CNTNAP2: variants seen among roughly 807,000 people sequenced by gnomAD.
CNTNAP2 encodes contactin-associated protein-like 2.
A neutral mutation model predicts 155.2 loss-of-function variants in CNTNAP2; 98 were observed. That is an observed-to-expected ratio of 0.63 (90% CI 0.54 to 0.75). CNTNAP2 has a LOEUF of 0.75. Among genes scored for constraint, CNTNAP2 ranks in the 30% least tolerant of loss-of-function variants. The probability of loss-of-function intolerance (pLI) is 0.00; values close to 1 mark genes in which losing one functional copy is unlikely to be tolerated. For synonymous variants in CNTNAP2, 651 were observed against 631.2 expected (o/e 1.03, Z -0.47); for missense variants, 1,727 against 1,688.1 (o/e 1.02, Z -0.40).
intron 3 of CNTNAP2, among the ~76,000 whole-genome samples, chr7:146,936,675 T>A (rs766606884): frequency 2.0e-5 from 3 of 152,200 alleles, no homozygotes; most frequent in Non-Finnish European, 2.9e-5. Flanking sequence ...TATGGGATTG[T>A]CACAATATCT....
At chr7:147,424,214 A>G (rs77694335) in intron 10 of CNTNAP2, among the ~76,000 whole-genome samples, 1 of 151,980 alleles carries the variant, frequency 6.6e-6, no homozygotes, top group African/African-American at 2.4e-5. Context: ...TAAAATACCT[A>G]CTTATTTTCT....
intron 1 of CNTNAP2, among the ~76,000 whole-genome samples, chr7:146,378,688 A>G (rs1795339392): frequency 6.6e-6 from 1 of 152,190 alleles, no homozygotes; most frequent in Non-Finnish European, 1.5e-5. Flanking sequence ...AGATGATGGC[A>G]TACATGTTAC....
At chr7:147,563,556 G>A (rs533665501) in intron 12 of CNTNAP2, among the ~76,000 whole-genome samples, 1 of 151,966 alleles carries the variant, frequency 6.6e-6, no homozygotes, top group African/African-American at 2.4e-5. Flanking sequence ...TTGATCCCTG[G>A]AGGAGGAGGT....
intron 1 of CNTNAP2, among the ~76,000 whole-genome samples, chr7:146,160,466 A>C (rs564039414): frequency 6.6e-6 from 1 of 152,338 alleles, no homozygotes; most frequent in South Asian, 2.1e-4. Flanking sequence ...AGCAAGGCTA[A>C]TAAAGAAGAA....
At chr7:146,163,527 C>CTA (rs1381461197) in intron 1 of CNTNAP2, among the ~76,000 whole-genome samples, 4 of 98,254 alleles carry the variant, frequency 4.1e-5, no homozygotes, top group African/African-American at 1.1e-4. Flanking sequence ...CTATATATAT[C>CTA]TATATATATC....
intron 1 of CNTNAP2, among the ~76,000 whole-genome samples, chr7:146,719,975 G>A (rs776298702): frequency 2.0e-5 from 3 of 152,064 alleles, no homozygotes; most frequent in Admixed American, 6.6e-5. Flanking sequence ...GAATACATTG[G>A]ACTGAATACA....
intron 2 of CNTNAP2, among the ~76,000 whole-genome samples, chr7:146,821,820 A>C (rs6956849): frequency 0.089 from 13,387 of 149,990 alleles, 1,843 homozygotes; most frequent in African/African-American, 0.31. Context: ...AGTCAGGAAA[A>C]AACAGGTGCT....
chr7:146,586,366 A>T (rs541134730), intron 1 of CNTNAP2, among the ~76,000 whole-genome samples: 78 of 152,338 alleles, frequency 5.1e-4, no homozygotes, highest in Admixed American at 5.0e-3. Flanking sequence ...CCTTAATCAA[A>T]GTGTAATAAA....
At chr7:148,062,011 T>TGATAGAGAGAGAGAGAG (rs1554468163) in intron 15 of CNTNAP2, among the ~76,000 whole-genome samples, 1 of 84,182 alleles carries the variant, frequency 1.2e-5, no homozygotes, top group African/African-American at 4.8e-5. Flanking sequence ...AGATAGATGA[T>TGATAGAGAGAGAGAGAG]AGAGAGAGAG....
chr7:147,913,161 A>C (rs764099807), intron 14 of CNTNAP2, among the ~76,000 whole-genome samples: 9 of 152,248 alleles, frequency 5.9e-5, no homozygotes, highest in Non-Finnish European at 8.8e-5. Flanking sequence ...CCAAAGGATA[A>C]AAAGGAGCTT....
chr7:147,808,747 G>A (rs1798132826), intron 13 of CNTNAP2, among the ~76,000 whole-genome samples: 1 of 152,146 alleles, frequency 6.6e-6, no homozygotes, highest in African/African-American at 2.4e-5. Flanking sequence ...AGTTAAATCT[G>A]ACTTCTATAA....
intron 1 of CNTNAP2, among the ~76,000 whole-genome samples, chr7:146,283,840 C>T (rs1337623365): frequency 2.6e-5 from 4 of 151,974 alleles, no homozygotes; most frequent in Non-Finnish European, 5.9e-5. Flanking sequence ...GACTACACAC[C>T]TATTGTATTT....
chr7:146,118,246 G>A (rs1797515391), intron 1 of CNTNAP2, among the ~76,000 whole-genome samples: 1 of 152,106 alleles, frequency 6.6e-6, no homozygotes, highest in Non-Finnish European at 1.5e-5. Context: ...TTCCCACAAT[G>A]TGTAAAGATA....
chr7:147,485,942 C>G lies in CNTNAP2; in HGVS notation c.1678C>G (p.Pro560Ala). ...DMCAIIDRCV[P>A]NHCEHGGKCS... is the part of the protein sequence containing the mutation. ...TGTCTCTCTCTCTGACAGATGTGTGCCCAATCACTGTGAGCATGGTGGAAA... is the reference window on the plus strand; with the variant it reads ...TGTCTCTCTCTCTGACAGATGTGTGGCCAATCACTGTGAGCATGGTGGAAA... Residue 560 changes from proline to alanine, a missense_variant, in exon 11 of 24, where the codon CCC becomes GCC. Physicochemically the swap from Pro to Ala is conservative, Grantham distance 27. Transcript: ENST00000361727. The G allele has an allele frequency of 6.2e-7, 1 of 1,613,932 alleles. No individual in the cohort carries two copies.
chr7:147,046,986 T>A (rs888567245), intron 4 of CNTNAP2, among the ~76,000 whole-genome samples: 13 of 138,984 alleles, frequency 9.4e-5, no homozygotes, highest in African/African-American at 3.6e-4. Context: ...GAGCCAAGAT[T>A]GCACCACTGT....
At chr7:146,640,588 G>C (rs1245409093) in intron 1 of CNTNAP2, among the ~76,000 whole-genome samples, 1 of 152,162 alleles carries the variant, frequency 6.6e-6, no homozygotes, top group Non-Finnish European at 1.5e-5. Context: ...GTGTTTATTT[G>C]GAGACTTCGA....
intron 1 of CNTNAP2, among the ~76,000 whole-genome samples, chr7:146,550,914 A>G (rs1474113228): frequency 6.6e-6 from 1 of 152,108 alleles, no homozygotes; most frequent in Non-Finnish European, 1.5e-5. Context: ...GGAATACACT[A>G]AGGCCCAGAC....
At chr7:147,838,147 C>T (rs1283410068) in intron 13 of CNTNAP2, among the ~76,000 whole-genome samples, 2 of 152,184 alleles carry the variant, frequency 1.3e-5, no homozygotes, top group Admixed American at 1.3e-4. Context: ...ACCTTGACCC[C>T]TTTTAGTCAC....
chr7:146,394,397 A>ATC (rs1795590028), intron 1 of CNTNAP2, among the ~76,000 whole-genome samples: 1 of 152,134 alleles, frequency 6.6e-6, no homozygotes, highest in South Asian at 2.1e-4. Flanking sequence ...GCAAGGAAGA[A>ATC]TCTCAGTCTA....
Sources: allele counts gnomAD v4.1 joint callset (sites outside exome capture counted in the v4.1 genomes callset), GRCh38; gene constraint gnomAD v4.1.1; transcripts MANE v1.5; gene names NCBI Gene and HGNC (gene_info 2026-07-23, HGNC 2026-07-21).